The following FOXN1 variants were observed in gnomAD, a reference collection of about 807,000 sequenced individuals.
FOXN1 encodes forkhead box N1.
Under a neutral mutation model 49.0 loss-of-function variants are expected in FOXN1, and 15 were observed. The observed-to-expected ratio is 0.31, with a 90% confidence interval of 0.20 to 0.47. The LOEUF is 0.47. FOXN1 is among the 20% of genes least tolerant of loss of function. FOXN1 has a pLI of 1.00. For missense variants in FOXN1, 800 were observed against 842.8 expected, an observed-to-expected ratio of 0.95 and a Z score of 0.63; for synonymous variants, 356 against 369.0, an observed-to-expected ratio of 0.96 and a Z score of 0.40.
intron 8 of FOXN1, 121 bp from the exon 9 acceptor site, chr17:28,536,996 C>T: frequency 1.2e-6 from 1 of 812,490 alleles, no homozygotes; most frequent in Admixed American, 1.9e-5. Context: ...AGGCTCTGTT[C>T]CCAGCACATG....
chr17:28,508,109 C>G (rs957563089), intron 1 of FOXN1, among the ~76,000 whole-genome samples: 6 of 152,242 alleles, frequency 3.9e-5, no homozygotes, highest in Admixed American at 3.3e-4. Flanking sequence ...GCGCCTCACT[C>G]ACTCCCAGAG....
chr17:28,520,560 C>T (rs1282270801), intron 1 of FOXN1, among the ~76,000 whole-genome samples: 1 of 152,148 alleles, frequency 6.6e-6, no homozygotes, highest in East Asian at 1.9e-4. Flanking sequence ...GCATAACTTC[C>T]TTGGTTCTCA....
chr17:28,519,107 G>T (rs2069587624), intron 1 of FOXN1, among the ~76,000 whole-genome samples: 2 of 152,180 alleles, frequency 1.3e-5, no homozygotes, highest in African/African-American at 4.8e-5. Context: ...TTGCCAACTG[G>T]CTCTGCACAC....
chr17:28,516,028 CAACTCCACAGGATCCAT>C (rs1487979543), intron 1 of FOXN1, among the ~76,000 whole-genome samples: 1 of 151,940 alleles, frequency 6.6e-6, no homozygotes, highest in Admixed American at 6.6e-5. Flanking sequence ...ACAGGGTATA[CAACTCCACAGGATCCAT>C]AACTCCACAG....
At chr17:28,533,372 C>T (rs902163618) in intron 6 of FOXN1, among the ~76,000 whole-genome samples, 22 of 152,120 alleles carry the variant, frequency 1.4e-4, no homozygotes, top group Non-Finnish European at 3.1e-4. Flanking sequence ...CCCGCCACCG[C>T]CTCTCACCCA....
At chr17:28,509,427 C>G (rs12453704) in intron 1 of FOXN1, among the ~76,000 whole-genome samples, 1 of 151,988 alleles carries the variant, frequency 6.6e-6, no homozygotes, top group Admixed American at 6.6e-5. Context: ...CCCATCTCCA[C>G]CTCCTGCTCC....
At chr17:28,525,907 A>G (rs1206437685) in intron 3 of FOXN1, among the ~76,000 whole-genome samples, 1 of 152,144 alleles carries the variant, frequency 6.6e-6, no homozygotes, top group African/African-American at 2.4e-5. Context: ...ATAGGGCACC[A>G]TCATCTCAGC....
chr17:28,530,909 G>A, intron 6 of FOXN1, 64 bp downstream of exon 6: 1 of 909,422 alleles, frequency 1.1e-6, no homozygotes. Flanking sequence ...GCCTCTCTGA[G>A]CAGAGGCTTC....
intron 1 of FOXN1, among the ~76,000 whole-genome samples, chr17:28,520,777 C>A (rs1310789918): frequency 6.6e-6 from 1 of 152,210 alleles, no homozygotes; most frequent in Non-Finnish European, 1.5e-5. Context: ...CAGGCCAGAC[C>A]CTCAGGAGGT....
At chr17:28,525,583 T>G (rs944735477) in intron 3 of FOXN1, among the ~76,000 whole-genome samples, 1 of 152,198 alleles carries the variant, frequency 6.6e-6, no homozygotes, top group Non-Finnish European at 1.5e-5. Flanking sequence ...ATTACCTGTC[T>G]CATGGGATTG....
chr17:28,515,152 G>A (rs1477665979), intron 1 of FOXN1, among the ~76,000 whole-genome samples: 1 of 152,044 alleles, frequency 6.6e-6, no homozygotes, highest in Non-Finnish European at 1.5e-5. Context: ...GATGTCCTCA[G>A]GGGCGCCCCA....
chr17:28,511,249 G>T (rs1256062233), intron 1 of FOXN1, among the ~76,000 whole-genome samples: 1 of 152,200 alleles, frequency 6.6e-6, no homozygotes, highest in Non-Finnish European at 1.5e-5. Context: ...GTATGTATTT[G>T]CCTTGTACTA....
At chr17:28,522,314 T>G (rs977597716) in intron 1 of FOXN1, among the ~76,000 whole-genome samples, 6 of 152,202 alleles carry the variant, frequency 3.9e-5, no homozygotes, top group Non-Finnish European at 8.8e-5. Context: ...TAAGAGGAAT[T>G]GCTCTTGCAG....
At chr17:28,509,562 C>T (rs1386039105) in intron 1 of FOXN1, among the ~76,000 whole-genome samples, 1 of 152,248 alleles carries the variant, frequency 6.6e-6, no homozygotes, top group East Asian at 1.9e-4. Context: ...AAGCCCAGAG[C>T]CATGCCAATA....
At chr17:28,523,348 C>A (rs928902723) in intron 1 of FOXN1, among the ~76,000 whole-genome samples, 4 of 152,180 alleles carry the variant, frequency 2.6e-5, no homozygotes, top group African/African-American at 9.7e-5. Flanking sequence ...CAACCGGGGG[C>A]CTTTGGGTCC....
chr17:28,524,033 G>T lies in FOXN1; in HGVS notation c.64G>T (p.Glu22Ter), dbSNP rs545707585. ...GCCGGGCCCCACCAGACTGGAGGGCGAGCGCCAAGGGGACCTCATGCAGGC... is the reference window on the plus strand; with the variant it reads ...GCCGGGCCCCACCAGACTGGAGGGCTAGCGCCAAGGGGACCTCATGCAGGC... ...TLPGPTRLEG[E>*]RQGDLMQAPG... The change falls in exon 2 of 9, where the codon GAG becomes TAG. Residue 22 changes from glutamate to a stop codon, truncating the protein, a stop_gained. Transcript: ENST00000579795. LOFTEE classifies it high-confidence loss of function. The T allele has an allele frequency of 1.2e-6, 2 of 1,612,082 alleles. No individual in the cohort carries two copies. The highest frequency in any genetic ancestry group is 1.7e-6 in the Non-Finnish European group (2 of 1,179,816).
intron 3 of FOXN1, among the ~76,000 whole-genome samples, chr17:28,526,908 G>A (rs2069782330): frequency 6.6e-6 from 1 of 152,126 alleles, no homozygotes; most frequent in African/African-American, 2.4e-5. Flanking sequence ...CTCTGAGTCA[G>A]GCGTGTCGAG....
At chr17:28,537,069 C>T (rs2070084528) in intron 8 of FOXN1, 48 bp from the exon 9 acceptor site, 1 of 1,455,578 alleles carries the variant, frequency 6.9e-7, no homozygotes, top group African/African-American at 1.4e-5. Context: ...CCAGACAGGG[C>T]TCCTCCGGTG....
intron 1 of FOXN1, among the ~76,000 whole-genome samples, chr17:28,509,879 T>C (rs1283787671): frequency 1.3e-5 from 2 of 152,006 alleles, no homozygotes; most frequent in Non-Finnish European, 2.9e-5. Context: ...GGAGCAGGGA[T>C]TTTTAGGGTT....
Sources: gnomAD v4.1 joint callset for allele counts (sites outside exome capture counted in the v4.1 genomes callset) on GRCh38, gnomAD v4.1.1 for gene constraint, MANE v1.5 for transcripts, NCBI Gene and HGNC (gene_info 2026-07-23, HGNC 2026-07-21) for gene names.